Variants in AP3B1 observed in about 807,000 individuals in gnomAD.
AP3B1 encodes AP-3 complex subunit beta-1.
In AP3B1, 61 loss-of-function variants were observed where a neutral mutation model predicts 132.5. The ratio of observed to expected loss-of-function variants is 0.46; its 90% CI spans 0.37 to 0.57. The LOEUF is 0.57. Ranked by LOEUF, AP3B1 falls within the 20% of genes least tolerant of loss-of-function variation. The probability of loss-of-function intolerance (pLI) is 0.00; values close to 1 mark genes in which losing one functional copy is unlikely to be tolerated. For missense variants in AP3B1, 1,120 were observed against 1,289.4 expected (o/e 0.87, Z 2.01); for synonymous variants, 388 against 438.3 (o/e 0.89, Z 1.43).
At chr5:78,263,840 TTTTGGTCAAG>T (rs1748205073) in intron 2 of AP3B1, among the ~76,000 whole-genome samples, 4 of 152,206 alleles carry the variant, frequency 2.6e-5, no homozygotes, top group Non-Finnish European at 5.9e-5. Context: ...TCGTGCCACG[TTTTGGTCAAG>T]GAGGGACCAC....
intron 22 of AP3B1, among the ~76,000 whole-genome samples, chr5:78,041,146 T>C (rs751270406): frequency 1.3e-5 from 2 of 152,060 alleles, no homozygotes; most frequent in Non-Finnish European, 2.9e-5. Context: ...TGGTGGCGCA[T>C]GCCTGTAATT....
At chr5:78,076,117 A>G (rs1749757325) in intron 22 of AP3B1, among the ~76,000 whole-genome samples, 1 of 152,258 alleles carries the variant, frequency 6.6e-6, no homozygotes. Context: ...TCATAACCAG[A>G]GAAATAATGA....
chr5:78,066,536 G>C (rs1749297301), intron 22 of AP3B1, among the ~76,000 whole-genome samples: 1 of 152,150 alleles, frequency 6.6e-6, no homozygotes, highest in Non-Finnish European at 1.5e-5. Context: ...AGTATCAATA[G>C]CCAAACAGAC....
chr5:78,083,053 C>T (rs252757), intron 22 of AP3B1, among the ~76,000 whole-genome samples: 36,608 of 151,918 alleles, frequency 0.24, 4,636 homozygotes, highest in Admixed American at 0.31. Flanking sequence ...CTGACCTCAG[C>T]TGACCCACCT....
At chr5:78,162,663 T>C (rs1050000623) in intron 13 of AP3B1, among the ~76,000 whole-genome samples, 156 bp downstream of exon 13, 29 of 152,120 alleles carry the variant, frequency 1.9e-4, no homozygotes, top group African/African-American at 6.8e-4. Context: ...TGCATATTTA[T>C]GTGCATTCAA....
intron 20 of AP3B1, among the ~76,000 whole-genome samples, chr5:78,102,057 T>C (rs919338196): frequency 1.3e-5 from 2 of 152,076 alleles, no homozygotes; most frequent in Non-Finnish European, 2.9e-5. Flanking sequence ...ACAGCCAAGA[T>C]AGATATAGTC....
chr5:78,027,656 C>G (rs1411913836), intron 24 of AP3B1, among the ~76,000 whole-genome samples: 2 of 152,034 alleles, frequency 1.3e-5, no homozygotes, highest in Non-Finnish European at 2.9e-5. Context: ...TTTAAAAACA[C>G]AGTATATTTA....
intron 7 of AP3B1, among the ~76,000 whole-genome samples, chr5:78,184,511 C>A (rs895406945): frequency 6.6e-6 from 1 of 151,630 alleles, no homozygotes; most frequent in Non-Finnish European, 1.5e-5. Flanking sequence ...ACGGTGAAAC[C>A]CCGCCTCTAC....
chr5:78,032,668 A>G (rs1382538375), intron 24 of AP3B1, among the ~76,000 whole-genome samples: 1 of 151,946 alleles, frequency 6.6e-6, no homozygotes, highest in Non-Finnish European at 1.5e-5. Flanking sequence ...GATGCAAGAC[A>G]AAGTGCTCTT....
intron 2 of AP3B1, among the ~76,000 whole-genome samples, chr5:78,247,376 A>G (rs1747422222): frequency 6.6e-6 from 1 of 150,824 alleles, no homozygotes; most frequent in South Asian, 2.1e-4. Flanking sequence ...GTTAGGTCAT[A>G]TAAGTTGATA....
chr5:78,285,482 C>T (rs934476163), intron 1 of AP3B1, among the ~76,000 whole-genome samples: 4 of 152,102 alleles, frequency 2.6e-5, no homozygotes, highest in Non-Finnish European at 2.9e-5. Flanking sequence ...CCTTTTTCTA[C>T]ACTCACTTCC....
Position 78,050,477 on chromosome 5 carries a change from T to C in AP3B1, c.2578-11203A>G, listed in dbSNP as rs79237096. Among the ~76,000 whole-genome samples the C allele has an allele frequency of 5.5e-3, 840 of 151,358 alleles. 8 individuals carry two copies. Among genetic ancestry groups the C allele is most frequent in the African/African-American group, 0.02 (802 of 40,666 alleles). ...ACATTATTTAATGCTGAGTGCTCAA[T>C]TATAACAGTGTCCTTAAAAATACTA... On this transcript the variant is annotated intron_variant, in intron 22 of 26. Transcript: ENST00000255194.
In AP3B1 at chr5:78,002,916, G is replaced by C; in HGVS notation, c.3271C>G (p.Leu1091Val). 1.2e-6 allele frequency: 2 copies of C among 1,614,178 alleles called. No homozygotes were observed. Among genetic ancestry groups the C allele is most frequent in the Non-Finnish European group, 1.7e-6 (2 of 1,180,040 alleles). The part of the protein sequence containing the change: ...SVLLRELKPV[L>V]SQG ...ATGTAAGCAGGTTACCCCTGAGACA[G>C]GACAGGCTTCAGTTCCCGCAGCAGA... Residue 1091 changes from leucine (L) to valine (V), a missense_variant, in exon 27 of 27, where the codon CTG becomes GTG. Around this residue, in one of 3 missense-constraint regions of AP3B1, gnomAD observed 906 missense variants for 997.1 expected, o/e 0.91. Transcript: ENST00000255194.
chr5:78,095,007 A>AT (rs1317641089), intron 21 of AP3B1, among the ~76,000 whole-genome samples: 1 of 152,174 alleles, frequency 6.6e-6, no homozygotes, highest in African/African-American at 2.4e-5. Context: ...AACTCAACTC[A>AT]AAAGTTAAAT....
At chr5:78,097,863 G>C (rs1174156312) in intron 21 of AP3B1, among the ~76,000 whole-genome samples, 1 of 152,260 alleles carries the variant, frequency 6.6e-6, no homozygotes, top group East Asian at 1.9e-4. Flanking sequence ...AAAAGATTGA[G>C]AAATCGGATG....
At chr5:78,167,861 C>T (rs971564718) in intron 11 of AP3B1, among the ~76,000 whole-genome samples, 1 of 151,382 alleles carries the variant, frequency 6.6e-6, no homozygotes, top group Non-Finnish European at 1.5e-5. Context: ...TTTGGGGGCT[C>T]AGGGGAAAGG....
chr5:78,053,616 G>A (rs1748676454), intron 22 of AP3B1, among the ~76,000 whole-genome samples: 1 of 145,204 alleles, frequency 6.9e-6, no homozygotes. Flanking sequence ...GGAGGCGGAG[G>A]TTACAGTGAG....
rs1312562402 is a variant in AP3B1, at chr5:78,013,478, G to A, written c.3131+1932C>T. Among the ~76,000 whole-genome samples the A allele has an allele frequency of 2.0e-5, 3 of 152,152 alleles. No individual in the cohort carries two copies. The East Asian group carries it at 5.8e-4, about 29-fold the overall frequency. On this transcript the variant is annotated intron_variant, in intron 26 of 26. Transcript: ENST00000255194. ...ACTAGATGTTCCAGCATAAACAGTG[G>A]CTACTCTATATTAAAACAAGACTGC...
chr5:78,270,002 T>C (rs1748485359), intron 1 of AP3B1, among the ~76,000 whole-genome samples: 2 of 151,854 alleles, frequency 1.3e-5, no homozygotes, highest in Admixed American at 6.6e-5. Flanking sequence ...AACCTCCGCC[T>C]CCTGGATTCA....
Sources: allele counts gnomAD v4.1 joint callset (sites outside exome capture counted in the v4.1 genomes callset), GRCh38; gene constraint gnomAD v4.1.1; regional missense constraint gnomAD v4.1.1; transcripts MANE v1.5; gene names NCBI Gene and HGNC (gene_info 2026-07-23, HGNC 2026-07-21).